The following GPALPP1 variants were observed in gnomAD, a reference collection of about 807,000 sequenced individuals.
GPALPP1 encodes the protein GPALPP motifs-containing protein 1.
GPALPP1 carries 30 observed loss-of-function variants against 38.9 expected under a neutral mutation model. The ratio of observed to expected loss-of-function variants is 0.77; its 90% confidence interval spans 0.58 to 1.05. The LOEUF (loss-of-function observed/expected upper bound fraction) is 1.05, where lower values mean the gene tolerates loss of function less well. Ranked by LOEUF, GPALPP1 falls within the 50% of genes least tolerant of loss-of-function variation. GPALPP1 has a pLI of 0.00. For missense variants in GPALPP1, 384 were observed against 408.8 expected, an observed-to-expected ratio of 0.94 and a Z score of 0.52; for synonymous variants, 120 against 139.2, an observed-to-expected ratio of 0.86 and a Z score of 0.97.
intron 6 of GPALPP1, among the ~76,000 whole-genome samples, chr13:45,019,182 C>T (rs995499449): frequency 6.8e-6 from 1 of 146,524 alleles, no homozygotes; most frequent in East Asian, 2.0e-4. Flanking sequence ...GAAGCTTGCT[C>T]TGTTGCCCAG....
intron 1 of GPALPP1, among the ~76,000 whole-genome samples, chr13:45,002,666 T>C (rs55991151): frequency 0.054 from 8,157 of 152,276 alleles, 290 homozygotes; most frequent in South Asian, 0.075. Context: ...AAGTAACTTA[T>C]CCAAATCACA....
rs74609788 is a variant in GPALPP1, at chr13:45,014,282, T to C, written c.409-670T>C. ...AAATATTTATATCTGTAGGGGGTTA[T>C]AAATATGTTTAATATAATGTCTGTA... On this transcript the variant is annotated intron_variant, in intron 4 of 7. Coordinates refer to ENST00000379151, the MANE Select transcript of GPALPP1 (RefSeq NM_018559.5). Among the ~76,000 whole-genome samples, 163 of 152,318 alleles carry C rather than the reference T, an allele frequency of 1.1e-3. 1 individual carries two copies. The East Asian group carries it at 0.028, about 26-fold the overall frequency.
chr13:45,018,815 T>C (rs1431997803), intron 6 of GPALPP1, among the ~76,000 whole-genome samples: 1 of 150,948 alleles, frequency 6.6e-6, no homozygotes, highest in African/African-American at 2.4e-5. Flanking sequence ...TGTGTTAGAC[T>C]AGGCACTTCA....
intron 1 of GPALPP1, 39 bp from the exon 2 acceptor site, chr13:45,004,266 A>T (rs769549427): frequency 1.3e-6 from 2 of 1,568,410 alleles, no homozygotes; most frequent in Non-Finnish European, 1.7e-6. Context: ...TCATTGAAAC[A>T]GTAGTGGCTA....
chr13:45,015,502 T>C lies in GPALPP1; in HGVS notation c.611T>C (p.Leu204Pro), dbSNP rs755412992. 3 of 1,609,548 alleles carry C rather than the reference T, an allele frequency of 1.9e-6. No homozygotes were observed. The highest frequency in any genetic ancestry group is 1.7e-5 in the Admixed American group (1 of 59,526). The change falls in exon 6 of 8, where the codon CTT becomes CCT. Residue 204 changes from leucine (L) to proline (P), a missense_variant. Leu to Pro is a moderately conservative substitution (Grantham distance 98, BLOSUM62 -3). Coordinates refer to ENST00000379151, the MANE Select transcript of GPALPP1 (RefSeq NM_018559.5). ...ELPPEMKDFG[L>P]GPRTFKRRAD... is the part of the protein sequence containing the mutation. ...CCTCCAGAAATGAAAGACTTTGGTCTTGGGCCAAGGACTTTTAAGAGAAGA... is the reference window on the plus strand; with the variant it reads ...CCTCCAGAAATGAAAGACTTTGGTCCTGGGCCAAGGACTTTTAAGAGAAGA...
In GPALPP1 at chr13:45,004,378, T is replaced by C; in HGVS notation, c.162T>C (p.Ser54=). The C allele has an allele frequency of 6.2e-7, 1 of 1,607,920 alleles. No individual in the cohort carries two copies. The highest frequency in any genetic ancestry group is 8.5e-7 in the Non-Finnish European group (1 of 1,174,368). ...SDSSDSDEDS[S]SLYEEGNQES... The stretch of plus-strand genomic sequence containing the variant: ...CATCAGACAGCGATGAAGACAGTAG[T>C]TCTTTGTACGAAGAAGGAAATCAAG... Residue 54 remains serine (S), a synonymous_variant, in exon 2 of 8, where the codon AGT becomes AGC. Coordinates refer to ENST00000379151, the MANE Select transcript of GPALPP1 (RefSeq NM_018559.5).
At chr13:44,994,388 G>A (rs2137948364) in intron 1 of GPALPP1, among the ~76,000 whole-genome samples, 1 of 151,934 alleles carries the variant, frequency 6.6e-6, no homozygotes, top group South Asian at 2.1e-4. Flanking sequence ...TTCGAGACCA[G>A]CCTCAACGTG....
chr13:44,997,999 T>G (rs1593383980), intron 1 of GPALPP1, among the ~76,000 whole-genome samples: 1 of 152,226 alleles, frequency 6.6e-6, no homozygotes, highest in South Asian at 2.1e-4. Context: ...CCTCACAGGC[T>G]TCACCTCCTT....
chr13:44,998,100 A>G (rs534174573), intron 1 of GPALPP1, among the ~76,000 whole-genome samples: 1 of 152,310 alleles, frequency 6.6e-6, no homozygotes, highest in South Asian at 2.1e-4. Flanking sequence ...GAACAAGTAG[A>G]TGCCATCATA....
At chr13:45,013,960 T>G (rs1386378229) in intron 4 of GPALPP1, among the ~76,000 whole-genome samples, 1 of 152,228 alleles carries the variant, frequency 6.6e-6, no homozygotes, top group Non-Finnish European at 1.5e-5. Context: ...TTTCTGATTT[T>G]CAGTTTAGTG....
intron 1 of GPALPP1, among the ~76,000 whole-genome samples, chr13:44,995,197 C>CACACACACACACAG (rs1256787581): frequency 3.1e-4 from 11 of 35,554 alleles, no homozygotes; most frequent in Non-Finnish European, 1.2e-3. Context: ...CACACACACA[C>CACACACACACACAG]ACACACCCCT....
rs760111107 is a variant in GPALPP1 at position 45,020,413 on chromosome 13, G to T, written c.789G>T (p.Gln263His). 1.6e-5 allele frequency: 22 copies of T among 1,374,286 alleles called. No homozygotes were observed. Among genetic ancestry groups the T allele is most frequent in the Non-Finnish European group, 2.1e-5 (20 of 962,358 alleles). 85.1% of individuals were successfully genotyped at this position (1,374,286 alleles called of 1,614,324 possible). A position where few individuals can be genotyped will look rare whatever the true frequency, so the allele number is the denominator to read the frequency against. Residue 263 changes from glutamine (Q) to histidine (H), a missense_variant, in exon 7 of 8, where the codon CAG (glutamine) becomes CAT (histidine). Transcript: ENST00000379151. Reference sequence around the variant, plus strand: ...GAAGAGATAAGAGACTGGCTGAGCAGGTATCTTCATACAATGTAAGTAAGA... The same window carrying T: ...GAAGAGATAAGAGACTGGCTGAGCATGTATCTTCATACAATGTAAGTAAGA... ...LSGRDKRLAEQVSSYNESKRS... is the reference protein window; with the variant it reads ...LSGRDKRLAEHVSSYNESKRS...
chr13:45,016,671 C>A (rs1317550898), intron 6 of GPALPP1, among the ~76,000 whole-genome samples: 1 of 152,186 alleles, frequency 6.6e-6, no homozygotes, highest in African/African-American at 2.4e-5. Context: ...GAGACAAGGT[C>A]TCTCTGTCAC....
chr13:45,018,274 G>A (rs896297494), intron 6 of GPALPP1, among the ~76,000 whole-genome samples: 1 of 152,084 alleles, frequency 6.6e-6, no homozygotes, highest in Non-Finnish European at 1.5e-5. Flanking sequence ...GCGGGCGCCT[G>A]TAGTCGCAGC....
intron 4 of GPALPP1, among the ~76,000 whole-genome samples, chr13:45,009,470 G>A (rs1438244870): frequency 1.3e-5 from 2 of 152,082 alleles, no homozygotes; most frequent in African/African-American, 4.8e-5. Context: ...ACGGTTTCAT[G>A]AAATAGATAT....
chr13:45,004,577 T>A (rs1254495312), intron 2 of GPALPP1, 140 bp downstream of exon 2: 1 of 591,710 alleles, frequency 1.7e-6, no homozygotes, highest in Non-Finnish European at 3.0e-6. Context: ...CATTTCATCC[T>A]GAATTATACC....
chr13:45,007,878 A>G (rs889163893), intron 3 of GPALPP1, among the ~76,000 whole-genome samples: 14 of 152,208 alleles, frequency 9.2e-5, no homozygotes, highest in Non-Finnish European at 2.1e-4. Context: ...GCATTTTTTT[A>G]TTTTTTATTT....
At chr13:45,008,772 TA>T (rs751610339) in intron 3 of GPALPP1, 22 bp from the exon 4 acceptor site, 10 of 1,288,274 alleles carry the variant, frequency 7.8e-6, no homozygotes, top group Non-Finnish European at 1.0e-5. Context: ...GGGAGAATGA[TA>T]AAAGTACATT....
intron 1 of GPALPP1, among the ~76,000 whole-genome samples, chr13:44,997,039 A>G (rs1468076945): frequency 2.0e-5 from 3 of 151,126 alleles, no homozygotes; most frequent in Admixed American, 1.3e-4. Flanking sequence ...TTCTGTCTCT[A>G]TGATTTGACT....
Sources: gnomAD v4.1 joint callset for allele counts (sites outside exome capture counted in the v4.1 genomes callset) on GRCh38, gnomAD v4.1.1 for gene constraint, MANE v1.5 for transcripts, NCBI Gene and HGNC (gene_info 2026-07-23, HGNC 2026-07-21) for gene names.